The following APBB2 variants were observed in gnomAD, a reference collection of about 807,000 sequenced individuals.
APBB2 encodes the protein amyloid beta precursor protein binding family B member 2.
A neutral mutation model predicts 82.5 loss-of-function variants in APBB2; 38 were observed. That is an observed-to-expected ratio of 0.46 (90% CI 0.36 to 0.60). The LOEUF is 0.60. APBB2 is among the 20% of genes least tolerant of loss of function. The pLI, the probability that APBB2 is intolerant of heterozygous loss-of-function variation, is 0.00. For synonymous variants in APBB2, 341 were observed against 368.2 expected (o/e 0.93, Z 0.85); for missense variants, 772 against 972.3 (o/e 0.79, Z 2.74).
chr4:41,006,701 G>A (rs1560507825), intron 6 of APBB2, among the ~76,000 whole-genome samples: 1 of 152,126 alleles, frequency 6.6e-6, no homozygotes, highest in Non-Finnish European at 1.5e-5. Flanking sequence ...CCTGAGCTCA[G>A]GTGATCCAAC....
intron 3 of APBB2, among the ~76,000 whole-genome samples, chr4:41,099,707 C>T (rs1744710457): frequency 6.6e-6 from 1 of 152,068 alleles, no homozygotes; most frequent in African/African-American, 2.4e-5. Flanking sequence ...TTATTTTAAA[C>T]ATGCTTCAAC....
rs1336849089 is a variant in APBB2, at chr4:40,935,128, C to T, written c.1056G>A (p.Trp352Ter). ...SPTPENEKQP[W>*]SDFAVLNGGK... ...CCCCATTCAGAACAGCAAAATCACT[C>T]CATGGCTGTTTCTAGACATATAATT... The change falls in exon 8 of 18, where the codon TGG becomes TGA. Residue 352 changes from tryptophan (W) to a stop codon, truncating the protein, a stop_gained. Transcript: ENST00000508593. LOFTEE classifies it high-confidence loss of function. The T allele has an allele frequency of 6.5e-7, 1 of 1,533,470 alleles. No individual in the cohort carries two copies. The highest frequency in any genetic ancestry group is 8.7e-7 in the Non-Finnish European group (1 of 1,143,984). 95.0% of individuals were successfully genotyped at this position (1,533,470 alleles called of 1,614,324 possible).
At chr4:40,997,379 A>C (rs1803914093) in intron 6 of APBB2, among the ~76,000 whole-genome samples, 1 of 152,190 alleles carries the variant, frequency 6.6e-6, no homozygotes, top group South Asian at 2.1e-4. Flanking sequence ...CTAGCCACCA[A>C]TATCAGATAT....
intron 10 of APBB2, among the ~76,000 whole-genome samples, chr4:40,912,807 C>T (rs900326576): frequency 3.2e-4 from 49 of 152,064 alleles, no homozygotes; most frequent in African/African-American, 1.2e-3. Flanking sequence ...CCATGGAAGT[C>T]GAGGCCAAGA....
intron 6 of APBB2, among the ~76,000 whole-genome samples, chr4:40,969,472 G>C (rs1795435594): frequency 6.6e-6 from 1 of 152,122 alleles, no homozygotes; most frequent in Non-Finnish European, 1.5e-5. Flanking sequence ...TATTATTACT[G>C]ACAACATAGA....
chr4:40,833,882 G>C (rs1187310453), intron 12 of APBB2, among the ~76,000 whole-genome samples: 1 of 152,208 alleles, frequency 6.6e-6, no homozygotes, highest in East Asian at 1.9e-4. Context: ...AACAGGTCCT[G>C]GTCAATAAGC....
At chr4:40,980,819 T>C (rs143289479) in intron 6 of APBB2, among the ~76,000 whole-genome samples, 98 of 152,310 alleles carry the variant, frequency 6.4e-4, no homozygotes, top group African/African-American at 2.2e-3. Flanking sequence ...ACTCAGGCTT[T>C]TTCTCAAATC....
chr4:41,036,306 G>T (rs967667035), intron 4 of APBB2, among the ~76,000 whole-genome samples: 8 of 152,080 alleles, frequency 5.3e-5, no homozygotes, highest in Non-Finnish European at 1.2e-4. Context: ...AAATACCGAG[G>T]GATGACTGTC....
At chr4:41,049,072 G>GC (rs1724607072) in intron 4 of APBB2, among the ~76,000 whole-genome samples, 1 of 151,930 alleles carries the variant, frequency 6.6e-6, no homozygotes, top group African/African-American at 2.4e-5. Flanking sequence ...TGCAGCCTCT[G>GC]CCCGGCCGCC....
rs567823829 is a variant in APBB2 at position 41,161,228 on chromosome 4, T to C, written c.-416-18086A>G. Among the ~76,000 whole-genome samples, 12 of 139,336 alleles carry C rather than the reference T, an allele frequency of 8.6e-5. No homozygotes were observed. The East Asian group carries it at 2.6e-3, about 30-fold the overall frequency. 91.4% of individuals were successfully genotyped at this position (139,336 alleles called of 152,430 possible). On this transcript the variant is annotated intron_variant, in intron 1 of 17. Transcript: ENST00000508593. ...GTTTGGAATTGTGATTTGGCAAATATACAGCTTGGGTGAAACCATGACTTT... is the reference window on the plus strand; with the variant it reads ...GTTTGGAATTGTGATTTGGCAAATACACAGCTTGGGTGAAACCATGACTTT...
At chr4:40,831,779 A>G (rs935289175) in intron 12 of APBB2, among the ~76,000 whole-genome samples, 1 of 152,114 alleles carries the variant, frequency 6.6e-6, no homozygotes, top group African/African-American at 2.4e-5. Flanking sequence ...CAGATCTCAG[A>G]GCGACGGCAG....
chr4:41,163,418 C>T (rs569454182), intron 1 of APBB2, among the ~76,000 whole-genome samples: 1 of 151,946 alleles, frequency 6.6e-6, no homozygotes, highest in African/African-American at 2.4e-5. Context: ...CAAGAATGAC[C>T]AAAGAAAGAA....
At chr4:41,180,552 G>T (rs538236710) in intron 1 of APBB2, among the ~76,000 whole-genome samples, 1 of 152,080 alleles carries the variant, frequency 6.6e-6, no homozygotes, top group African/African-American at 2.4e-5. Context: ...GGAGGGTGAG[G>T]CTGGAGGATC....
At chr4:40,816,348 G>A in intron 17 of APBB2, 89 bp from the exon 18 acceptor site, 2 of 1,397,874 alleles carry the variant, frequency 1.4e-6, no homozygotes, top group Non-Finnish European at 2.0e-6. Flanking sequence ...ATAATACATT[G>A]ACTCCCAAAG....
intron 6 of APBB2, among the ~76,000 whole-genome samples, chr4:41,012,147 G>C (rs1488165774): frequency 6.6e-6 from 1 of 152,204 alleles, no homozygotes; most frequent in Non-Finnish European, 1.5e-5. Flanking sequence ...GAGCCACTGT[G>C]CCTGAACAAA....
At chr4:41,160,062 G>C (rs1212375364) in intron 1 of APBB2, among the ~76,000 whole-genome samples, 1 of 151,242 alleles carries the variant, frequency 6.6e-6, no homozygotes, top group Non-Finnish European at 1.5e-5. Context: ...CTGTTTTGCG[G>C]ATACTGGAGA....
intron 6 of APBB2, among the ~76,000 whole-genome samples, chr4:40,998,979 T>TA (rs1804393968): frequency 6.6e-6 from 1 of 152,152 alleles, no homozygotes; most frequent in Non-Finnish European, 1.5e-5. Flanking sequence ...GCTTAAAACT[T>TA]ATAGTTTATT....
At chr4:41,023,441 T>C (rs535263759) in intron 5 of APBB2, among the ~76,000 whole-genome samples, 1 of 152,250 alleles carries the variant, frequency 6.6e-6, no homozygotes, top group East Asian at 1.9e-4. Flanking sequence ...TCCCACAGCC[T>C]CAGCCCAAAA....
At chr4:41,004,115 C>T (rs1336105887) in intron 6 of APBB2, among the ~76,000 whole-genome samples, 1 of 151,762 alleles carries the variant, frequency 6.6e-6, no homozygotes, top group Non-Finnish European at 1.5e-5. Context: ...CACAGGGTTT[C>T]ACCATGTTGG....
Sources: gnomAD v4.1 joint callset for allele counts (sites outside exome capture counted in the v4.1 genomes callset) on GRCh38, gnomAD v4.1.1 for gene constraint, MANE v1.5 for transcripts, NCBI Gene and HGNC (gene_info 2026-07-23, HGNC 2026-07-21) for gene names.